SYNE1: variants seen among roughly 807,000 people sequenced by gnomAD.
The protein encoded by SYNE1 is nesprin-1.
Under a neutral mutation model 1,111.0 loss-of-function variants are expected in SYNE1, and 616 were observed. The ratio of observed to expected loss-of-function variants is 0.55; its 90% confidence interval spans 0.52 to 0.59. The LOEUF is 0.59. Ranked by LOEUF, SYNE1 falls within the 20% of genes least tolerant of loss-of-function variation. The probability of loss-of-function intolerance (pLI) is 0.00; values close to 1 mark genes in which losing one functional copy is unlikely to be tolerated. For missense variants in SYNE1, 10,006 were observed against 10,417.0 expected, an observed-to-expected ratio of 0.96 and a Z score of 1.72; for synonymous variants, 3,855 against 3,825.8, an observed-to-expected ratio of 1.01 and a Z score of -0.28.
chr6:152,143,061 T>C (rs1210171659), intron 138 of SYNE1, among the ~76,000 whole-genome samples: 1 of 152,228 alleles, frequency 6.6e-6, no homozygotes, highest in Non-Finnish European at 1.5e-5. Flanking sequence ...TGCTAGACTT[T>C]ATCATACATA....
At chr6:152,311,450 A>G (rs1562970181) in intron 87 of SYNE1, among the ~76,000 whole-genome samples, 1 of 152,222 alleles carries the variant, frequency 6.6e-6, no homozygotes, top group African/African-American at 2.4e-5. Flanking sequence ...GGTATCATCT[A>G]CTGGGTCTAT....
rs376356840 is a variant in SYNE1 at position 152,613,736 on chromosome 6, T to C, written c.67+14529A>G. The stretch of plus-strand genomic sequence containing the variant: ...CATCATGCTACCTGACTTCAAACTA[T>C]ACTACAAGGCCACAGTAACCAAAGC... On this transcript the variant is annotated intron_variant, in intron 3 of 145. Transcript: ENST00000367255. 9.2e-5 allele frequency among the ~76,000 whole-genome samples: 14 copies of C among 152,218 alleles called. No individual in the cohort carries two copies. The East Asian group carries it at 2.3e-3, about 25-fold the overall frequency.
Position 152,435,953 on chromosome 6 carries a change from G to A in SYNE1, c.4298C>T (p.Thr1433Met), listed in dbSNP as rs139798419. 149 of 1,613,952 alleles carry A rather than the reference G, an allele frequency of 9.2e-5. No homozygotes were observed. Among genetic ancestry groups the A allele is most frequent in the Non-Finnish European group, 1.2e-4 (141 of 1,180,010 alleles). ...GTCAATCACATACTCTTCTTCAAGC[G>A]TGTCTTCTAATTTTTTGACTTGTTC... ...IKEQVKKLED[T>M]LEEDIKTMEM... The change falls in exon 33 of 146, where the codon ACG becomes ATG. Residue 1433 changes from threonine to methionine, a missense_variant. By Grantham distance (81) the Thr-to-Met change is moderately conservative (BLOSUM62 -1). Around this residue, in one of 7 missense-constraint regions of SYNE1, gnomAD observed 1,971 missense variants for 2,084.1 expected, o/e 0.95. Coordinates refer to ENST00000367255, the MANE Select transcript of SYNE1 (RefSeq NM_182961.4).
At position 152,213,511 on chromosome 6, in the gene SYNE1, G is replaced by A. The variant is rs966045849; in HGVS notation, c.22494+101C>T. On this transcript the variant is annotated intron_variant, in intron 123 of 145. Transcript: ENST00000367255. ...AAATGATGCATGCATTTAGACACTCGTGCAAAGGGCATGATTTTAATTCTC... is the reference window on the plus strand; with the variant it reads ...AAATGATGCATGCATTTAGACACTCATGCAAAGGGCATGATTTTAATTCTC... 6.7e-5 allele frequency: 90 copies of A among 1,333,354 alleles called. 1 individual carries two copies. In the African/African-American group the frequency reaches 1.0e-3, roughly 15 times the overall value. 82.6% of individuals were successfully genotyped at this position (1,333,354 alleles called of 1,614,324 possible).
chr6:152,289,388 T>C (rs1487631253), intron 95 of SYNE1, among the ~76,000 whole-genome samples: 1 of 152,204 alleles, frequency 6.6e-6, no homozygotes. Context: ...ACTGTCTACA[T>C]GAACACAAGT....
chr6:152,369,246 T>C, intron 60 of SYNE1, 119 bp from the exon 61 acceptor site: 1 of 1,408,576 alleles, frequency 7.1e-7, no homozygotes, highest in Non-Finnish European at 9.7e-7. Flanking sequence ...CCTGGAGGCT[T>C]TATTATCTCC....
intron 111 of SYNE1, among the ~76,000 whole-genome samples, 187 bp downstream of exon 111, chr6:152,234,481 G>A (rs2083524444): frequency 6.6e-6 from 1 of 152,046 alleles, no homozygotes; most frequent in Non-Finnish European, 1.5e-5. Context: ...TTTTAGTAGA[G>A]ACAGGGTTTC....
chr6:152,207,327 C>T (rs76988805), intron 125 of SYNE1, among the ~76,000 whole-genome samples: 1,586 of 152,256 alleles, frequency 0.01, 32 homozygotes, highest in African/African-American at 0.036. Context: ...TGGTTAGAAA[C>T]ACAAGTCAAA....
At chr6:152,558,280 C>T (rs541027351) in intron 3 of SYNE1, among the ~76,000 whole-genome samples, 2 of 152,042 alleles carry the variant, frequency 1.3e-5, no homozygotes, top group South Asian at 2.1e-4. Flanking sequence ...AGAGGAAGAA[C>T]GGAATAAAGT....
intron 3 of SYNE1, among the ~76,000 whole-genome samples, chr6:152,573,459 G>A (rs2128331323): frequency 6.6e-6 from 1 of 151,414 alleles, no homozygotes. Flanking sequence ...GCGGTAGTTT[G>A]CTGAGAATGA....
intron 67 of SYNE1, 67 bp from the exon 68 acceptor site, chr6:152,353,811 T>A: frequency 6.3e-7 from 1 of 1,591,268 alleles, no homozygotes; most frequent in Non-Finnish European, 8.6e-7. Flanking sequence ...AATGTATATC[T>A]TCTTATAGGA....
chr6:152,503,908 G>A (rs982771949), intron 9 of SYNE1, among the ~76,000 whole-genome samples: 1 of 151,866 alleles, frequency 6.6e-6, no homozygotes, highest in African/African-American at 2.4e-5. Flanking sequence ...AATAGCTTTT[G>A]GTCTACCTAA....
chr6:152,256,431 A>AAAATAAATAAAT lies in SYNE1; in HGVS notation c.19104+191_19104+202dup, dbSNP rs3038206. Among the ~76,000 whole-genome samples, 751 of 147,070 alleles carry AAAATAAATAAAT rather than the reference A, an allele frequency of 5.1e-3. 6 individuals carry two copies. Among genetic ancestry groups the AAAATAAATAAAT allele is most frequent in the Middle Eastern group, 0.01 (3 of 290 alleles). On this transcript the variant is annotated intron_variant, in intron 102 of 145. Coordinates refer to ENST00000367255, the MANE Select transcript of SYNE1 (RefSeq NM_182961.4). Reference sequence around the variant, plus strand: ...GGTGACAGAGTGAGACTCGGTCTAAAAAATAAATAAATAAATAAATAAATA... The same window carrying AAAATAAATAAAT: ...GGTGACAGAGTGAGACTCGGTCTAAAAAATAAATAAATAAATAAATAAATAAATAAATAAATA...
At position 152,559,832 on chromosome 6, in the gene SYNE1, G is replaced by T. The variant is rs1337953998; in HGVS notation, c.68-19811C>A. Among the ~76,000 whole-genome samples the T allele has an allele frequency of 3.9e-5, 6 of 152,172 alleles. No individual in the cohort carries two copies. In the East Asian group the frequency reaches 1.2e-3, roughly 29 times the overall value. On this transcript the variant is annotated intron_variant, in intron 3 of 145. Transcript: ENST00000367255. ...TAGAAAACAAGAGAAAACAATCAAT[G>T]AAACTAAGAGTTGGTTTTTGAAAAG...
In SYNE1 at chr6:152,488,469, A is replaced by G. The variant is rs901544035; in HGVS notation, c.974T>C (p.Val325Ala). The G allele has an allele frequency of 1.9e-6, 3 of 1,607,296 alleles. No homozygotes were observed. In the African/African-American group the frequency reaches 4.0e-5, roughly 21 times the overall value. The change falls in exon 12 of 146, where the codon GTT (valine) becomes GCT (alanine). Residue 325 changes from valine (V) to alanine (A), a missense_variant. Transcript: ENST00000367255. ...EDRVIFKEMK[V>A]WIEQFERDLT... Reference sequence around the variant, plus strand: ...ATCTCTCTCAAATTGTTCTATCCAAACTTTCATTTCCTTAAAAATTACTCT... The same window carrying G: ...ATCTCTCTCAAATTGTTCTATCCAAGCTTTCATTTCCTTAAAAATTACTCT...
chr6:152,335,142 C>T (rs2096354466), intron 76 of SYNE1: 1 of 152,194 alleles, frequency 6.6e-6, no homozygotes, highest in African/African-American at 2.4e-5. Context: ...TCATGGACTT[C>T]CATACTTCCC....
chr6:152,140,228 A>G, intron 139 of SYNE1, 67 bp from the exon 140 acceptor site: 1 of 1,552,160 alleles, frequency 6.4e-7, no homozygotes, highest in Non-Finnish European at 8.9e-7. Flanking sequence ...AAATGCTTTA[A>G]ACATAGGTTG....
Position 152,387,148 on chromosome 6 carries a change from G to T in SYNE1, c.8411C>A (p.Thr2804Lys). 6.2e-7 allele frequency: 1 copy of T among 1,614,176 alleles called. No individual in the cohort carries two copies. Among genetic ancestry groups the T allele is most frequent in the Non-Finnish European group, 8.5e-7 (1 of 1,180,018 alleles). Reference sequence around the variant, plus strand: ...TGTGTCCTTGAAAGACTCATCCTCTGTCTTTTCGTAGAGCTCCCTGGACTT... The same window carrying T: ...TGTGTCCTTGAAAGACTCATCCTCTTTCTTTTCGTAGAGCTCCCTGGACTT... ...IAKSRELYEKTEDESFKDTAQ... is the reference protein window; with the variant it reads ...IAKSRELYEKKEDESFKDTAQ... The change falls in exon 54 of 146, where the codon ACA (threonine) becomes AAA (lysine). Residue 2804 changes from threonine (T) to lysine (K), a missense_variant. Physicochemically the swap from Thr to Lys is moderately conservative, Grantham distance 78. Transcript: ENST00000367255.
intron 5 of SYNE1, among the ~76,000 whole-genome samples, chr6:152,521,971 T>C (rs1235254141): frequency 6.6e-6 from 1 of 152,172 alleles, no homozygotes; most frequent in Non-Finnish European, 1.5e-5. Context: ...TTTAGAGTGT[T>C]ACTGTCAGTA....
Sources: gnomAD v4.1 joint callset for allele counts (sites outside exome capture counted in the v4.1 genomes callset) on GRCh38, gnomAD v4.1.1 for gene constraint, gnomAD v4.1.1 regional missense constraint, MANE v1.5 for transcripts, NCBI Gene and HGNC (gene_info 2026-07-23, HGNC 2026-07-21) for gene names.